The following XKR9 variants were observed in gnomAD, a reference collection of about 807,000 sequenced individuals.
XKR9 encodes the protein XK-related protein 9.
XKR9 carries 32 observed loss-of-function variants against 32.0 expected under a neutral mutation model. The observed-to-expected ratio is 1.00, with a 90% CI of 0.76 to 1.34. The LOEUF (loss-of-function observed/expected upper bound fraction) is 1.34. Ranked by LOEUF, XKR9 falls within the 40% of genes most tolerant of loss-of-function variation. The probability of loss-of-function intolerance (pLI) is 0.00; values close to 1 mark genes in which losing one functional copy is unlikely to be tolerated. For synonymous variants in XKR9, 168 were observed against 143.4 expected, an observed-to-expected ratio of 1.17 and a Z score of -1.22; for missense variants, 546 against 429.7, an observed-to-expected ratio of 1.27 and a Z score of -2.39.
In XKR9 at chr8:70,706,939, G is replaced by A. The variant is rs758261831; in HGVS notation, c.279G>A (p.Trp93Ter). 6.2e-7 allele frequency: 1 copy of A among 1,610,696 alleles called. No individual in the cohort carries two copies. Among genetic ancestry groups the A allele is most frequent in the South Asian group, 1.1e-5 (1 of 90,790 alleles). ...CLQGGVFTRY[W>*]FALKRGYHAA... ...GTTTATGTTTACTTTATAGGTATTG[G>A]TTTGCCTTAAAAAGGGGTTACCATG... Residue 93 changes from tryptophan to a stop codon, truncating the protein, a stop_gained, in exon 4 of 5, where the codon TGG becomes TGA. Coordinates refer to ENST00000408926, the MANE Select transcript of XKR9 (RefSeq NM_001011720.2). LOFTEE classifies it high-confidence loss of function.
the XKR9 span, among the ~76,000 whole-genome samples, chr8:70,992,897 G>A: frequency 6.6e-6 from 1 of 152,224 alleles, no homozygotes; most frequent in Non-Finnish European, 1.5e-5. Context: ...GCTGGACTCT[G>A]CTGTCTTCTT....
chr8:71,041,599 C>T, the XKR9 span, among the ~76,000 whole-genome samples: 1 of 152,062 alleles, frequency 6.6e-6, no homozygotes, highest in Non-Finnish European at 1.5e-5. Context: ...ATTGTAATCC[C>T]CACATGTGGA....
At chr8:70,956,429 T>G in the XKR9 span, among the ~76,000 whole-genome samples, 2 of 152,082 alleles carry the variant, frequency 1.3e-5, no homozygotes, top group Non-Finnish European at 2.9e-5. Flanking sequence ...GGAAAAAGCA[T>G]CATCCAATTG....
At chr8:70,685,193 T>C (rs1819222007) in intron 3 of XKR9, among the ~76,000 whole-genome samples, 2 of 147,882 alleles carry the variant, frequency 1.4e-5, no homozygotes, top group African/African-American at 2.5e-5. Flanking sequence ...ATGTCCTTTG[T>C]AGGGACATGG....
the XKR9 span, among the ~76,000 whole-genome samples, chr8:70,883,016 G>A: frequency 1.3e-5 from 2 of 151,668 alleles, no homozygotes; most frequent in African/African-American, 4.8e-5. Context: ...GGTAGAGATA[G>A]TTTTTGGTTA....
intron 4 of XKR9, 101 bp from the exon 5 acceptor site, chr8:70,733,695 T>G: frequency 1.8e-6 from 2 of 1,107,520 alleles, no homozygotes; most frequent in Non-Finnish European, 2.4e-6. Flanking sequence ...ATGTGACGTG[T>G]TTGTGGGTGT....
chr8:70,879,829 G>T, the XKR9 span, among the ~76,000 whole-genome samples: 1 of 152,108 alleles, frequency 6.6e-6, no homozygotes, highest in Non-Finnish European at 1.5e-5. Context: ...CAAAAAAAGA[G>T]AATTTTAGAC....
chr8:70,727,095 A>G (rs1298569726), intron 4 of XKR9, among the ~76,000 whole-genome samples: 1 of 152,198 alleles, frequency 6.6e-6, no homozygotes, highest in Admixed American at 6.5e-5. Flanking sequence ...GGGATGGACT[A>G]TATGGCTGGT....
At chr8:70,785,483 T>G (rs1226934373) in intron 2 of XKR9, among the ~76,000 whole-genome samples, 3 of 150,954 alleles carry the variant, frequency 2.0e-5, no homozygotes, top group Non-Finnish European at 4.4e-5. Context: ...ACAATTAAAT[T>G]GTTTTTCTAG....
the XKR9 span, among the ~76,000 whole-genome samples, chr8:71,024,752 C>G: frequency 6.6e-6 from 1 of 152,212 alleles, no homozygotes; most frequent in African/African-American, 2.4e-5. Flanking sequence ...ACTGGGAAGA[C>G]TCTCTGGGCT....
At chr8:70,709,324 C>G (rs569707303) in intron 4 of XKR9, among the ~76,000 whole-genome samples, 1 of 152,186 alleles carries the variant, frequency 6.6e-6, no homozygotes, top group Admixed American at 6.5e-5. Flanking sequence ...CCATCTATGA[C>G]AAACCCACAG....
At chr8:71,048,277 T>A in the XKR9 span, among the ~76,000 whole-genome samples, 3 of 152,232 alleles carry the variant, frequency 2.0e-5, no homozygotes, top group African/African-American at 7.2e-5. Context: ...TTCTCCCTCC[T>A]GTTCAGCCGC....
the XKR9 span, among the ~76,000 whole-genome samples, chr8:70,942,956 T>C: frequency 6.6e-6 from 1 of 152,174 alleles, no homozygotes; most frequent in Admixed American, 6.5e-5. Context: ...AGTAAGCGTG[T>C]GTCTAGTTTC....
chr8:70,967,063 C>CCCTTTTTT, the XKR9 span, among the ~76,000 whole-genome samples: 1 of 68,940 alleles, frequency 1.5e-5, no homozygotes, highest in Non-Finnish European at 3.5e-5. Flanking sequence ...TGGATCTTGA[C>CCCTTTTTT]TCTTTTTTTT....
At chr8:70,986,838 G>A in the XKR9 span, among the ~76,000 whole-genome samples, 87 of 152,344 alleles carry the variant, frequency 5.7e-4, 1 homozygote, top group Non-Finnish European at 9.4e-4. Flanking sequence ...ACATACCTGA[G>A]ACTGGGCAAT....
Position 70,734,200 on chromosome 8 carries a change from G to A in XKR9, c.898G>A (p.Gly300Arg). The A allele has an allele frequency of 6.2e-7, 1 of 1,613,306 alleles. No individual in the cohort carries two copies. The highest frequency in any genetic ancestry group is 8.5e-7 in the Non-Finnish European group (1 of 1,179,646). The change falls in exon 5 of 5, where the codon GGG becomes AGG. Residue 300 changes from glycine (G) to arginine (R), a missense_variant. Transcript: ENST00000408926. ...YYIVRVLGTL[G>R]ILTVFWVCPL... ...TATTGTTAGGGTACTGGGCACTTTG[G>A]GGATATTGACTGTATTCTGGGTTTG...
the XKR9 span, among the ~76,000 whole-genome samples, chr8:70,946,230 G>A: frequency 6.6e-6 from 1 of 152,158 alleles, no homozygotes; most frequent in Non-Finnish European, 1.5e-5. Context: ...TTTCCCAACT[G>A]TGCATGCAGC....
chr8:71,012,830 A>G, the XKR9 span, among the ~76,000 whole-genome samples: 7 of 152,334 alleles, frequency 4.6e-5, no homozygotes, highest in African/African-American at 1.7e-4. Context: ...TAACTACTGT[A>G]CTGAGCTATC....
At chr8:70,814,431 TTAAAAG>T in the XKR9 span, among the ~76,000 whole-genome samples, 2 of 151,380 alleles carry the variant, frequency 1.3e-5, no homozygotes, top group African/African-American at 2.4e-5. Context: ...ACCCTAAAAC[TTAAAAG>T]TATAATAATA....
Sources: allele counts gnomAD v4.1 joint callset (sites outside exome capture counted in the v4.1 genomes callset), GRCh38; gene constraint gnomAD v4.1.1; transcripts MANE v1.5; gene names NCBI Gene and HGNC (gene_info 2026-07-23, HGNC 2026-07-21).